Variants in EIF2S1 observed in about 807,000 individuals in gnomAD.
EIF2S1 encodes eukaryotic translation initiation factor 2 subunit 1.
Under a neutral mutation model 33.5 loss-of-function variants are expected in EIF2S1, and 5 were observed. That is an observed-to-expected ratio of 0.15 (90% CI 0.08 to 0.31). EIF2S1 has a LOEUF of 0.31. Ranked by LOEUF, EIF2S1 falls within the 10% of genes least tolerant of loss-of-function variation. The pLI, the probability that EIF2S1 is intolerant of heterozygous loss-of-function variation, is 1.00. For synonymous variants in EIF2S1, 99 were observed against 127.5 expected, an observed-to-expected ratio of 0.78 and a Z score of 1.51; for missense variants, 191 against 384.6, an observed-to-expected ratio of 0.50 and a Z score of 4.21.
At chr14:67,382,867 C>G (rs1367454792) in intron 7 of EIF2S1, among the ~76,000 whole-genome samples, 1 of 151,812 alleles carries the variant, frequency 6.6e-6, no homozygotes, top group Non-Finnish European at 1.5e-5. Flanking sequence ...CCTGTCTTTT[C>G]CTTGTCCAAC....
intron 1 of EIF2S1, chr14:67,364,099 A>G (rs946240718): frequency 1.3e-5 from 2 of 152,338 alleles, no homozygotes; most frequent in East Asian, 1.9e-4. Context: ...AGGTATACCT[A>G]TTCAATAAAA....
intron 6 of EIF2S1, among the ~76,000 whole-genome samples, chr14:67,381,914 A>AT (rs2085889663): frequency 6.6e-6 from 1 of 152,112 alleles, no homozygotes; most frequent in South Asian, 2.1e-4. Flanking sequence ...GGAGATTCCT[A>AT]TTGGTAGAAA....
At chr14:67,374,222 G>A (rs2085844411) in intron 2 of EIF2S1, among the ~76,000 whole-genome samples, 1 of 152,126 alleles carries the variant, frequency 6.6e-6, no homozygotes, top group African/African-American at 2.4e-5. Flanking sequence ...TCAGATTCGG[G>A]ATGCTCTAAC....
intron 4 of EIF2S1, 34 bp downstream of exon 4, chr14:67,376,624 G>C: frequency 6.3e-7 from 1 of 1,599,212 alleles, no homozygotes; most frequent in Middle Eastern, 1.7e-4. Context: ...CTTCTACCTT[G>C]ATATCACAAC....
chr14:67,370,591 C>A lies in EIF2S1; in HGVS notation c.242-3877C>A, dbSNP rs1467231788. On this transcript the variant is annotated intron_variant, in intron 2 of 7. Coordinates refer to ENST00000256383, the MANE Select transcript of EIF2S1 (RefSeq NM_004094.5). ...GGGAATATCATTACCAATTTTATGC[C>A]AATCATCTCAACAAATCAGGTGAAA... Among the ~76,000 whole-genome samples, 4 of 152,210 alleles carry A rather than the reference C, an allele frequency of 2.6e-5. No individual in the cohort carries two copies. In the East Asian group the frequency reaches 7.7e-4, roughly 29 times the overall value.
At chr14:67,362,612 T>G (rs1009425129) in intron 1 of EIF2S1, among the ~76,000 whole-genome samples, 1 of 151,982 alleles carries the variant, frequency 6.6e-6, no homozygotes, top group African/African-American at 2.4e-5. Context: ...AAGGCTAGAG[T>G]TGTTCCCCGA....
Position 67,381,661 on chromosome 14 carries a change from A to T in EIF2S1, c.649A>T (p.Asn217Tyr). The change falls in exon 6 of 8, where the codon AAT becomes TAT. Residue 217 changes from asparagine to tyrosine, a missense_variant. Asn to Tyr is a moderately radical substitution (Grantham distance 143). Coordinates refer to ENST00000256383, the MANE Select transcript of EIF2S1 (RefSeq NM_004094.5). The part of the protein sequence containing the change: ...AVKEALRAGL[N>Y]CSTENMPIKI... Reference sequence around the variant, plus strand: ...AAAAGAAGCCCTAAGAGCAGGTTTGAATTGTTCTACAGAAAACATGCCCAT... The same window carrying T: ...AAAAGAAGCCCTAAGAGCAGGTTTGTATTGTTCTACAGAAAACATGCCCAT... 6.2e-7 allele frequency: 1 copy of T among 1,613,470 alleles called. No homozygotes were observed. The highest frequency in any genetic ancestry group is 8.5e-7 in the Non-Finnish European group (1 of 1,179,592).
chr14:67,383,290 T>C, intron 7 of EIF2S1, 25 bp from the exon 8 acceptor site: 4 of 1,610,012 alleles, frequency 2.5e-6, no homozygotes, highest in Non-Finnish European at 2.5e-6. Context: ...TACTTCAGTT[T>C]GAAATTATAC....
Position 67,383,368 on chromosome 14 carries a change from G to C in EIF2S1, c.876G>C (p.Arg292Ser). The change falls in exon 8 of 8, where the codon AGG becomes AGC. Residue 292 changes from arginine to serine, a missense_variant. Arg to Ser is a moderately radical substitution (Grantham distance 110). Coordinates refer to ENST00000256383, the MANE Select transcript of EIF2S1 (RefSeq NM_004094.5). ...CTGAACTTGCGAGGCAGATGGAGAG[G>C]CTTGAAAGAGAAAATGCCGAAGTGG... ...DETELARQMERLERENAEVDG... is the reference protein window; with the variant it reads ...DETELARQMESLERENAEVDG... 1 of 1,613,764 alleles carries C rather than the reference G, an allele frequency of 6.2e-7. No individual in the cohort carries two copies. Among genetic ancestry groups the C allele is most frequent in the Non-Finnish European group, 8.5e-7 (1 of 1,179,756 alleles).
intron 2 of EIF2S1, among the ~76,000 whole-genome samples, chr14:67,369,075 AATATTCCAGCT>A (rs1336174458): frequency 6.6e-6 from 1 of 152,230 alleles, no homozygotes; most frequent in Non-Finnish European, 1.5e-5. Context: ...AAATCAAGTA[AATATTCCAGCT>A]AAAAGGCAGA....
At chr14:67,382,668 C>A in intron 7 of EIF2S1, 78 bp downstream of exon 7, 1 of 1,528,888 alleles carries the variant, frequency 6.5e-7, no homozygotes, top group South Asian at 1.1e-5. Context: ...TAAGAGCTGT[C>A]GGCCTTGGAA....
intron 7 of EIF2S1, 147 bp downstream of exon 7, chr14:67,382,737 C>G (rs1197918082): frequency 2.4e-6 from 2 of 841,316 alleles, no homozygotes; most frequent in Middle Eastern, 3.7e-4. Context: ...AGGGTCACCC[C>G]CCGTCCCCAG....
At chr14:67,381,809 T>C (rs1455043977) in intron 6 of EIF2S1, 119 bp downstream of exon 6, 1 of 657,848 alleles carries the variant, frequency 1.5e-6, no homozygotes, top group East Asian at 2.7e-5. Flanking sequence ...GGTTTTTTAC[T>C]CTTAAAATTG....
At chr14:67,375,215 C>T (rs558439812) in intron 3 of EIF2S1, among the ~76,000 whole-genome samples, 1 of 149,720 alleles carries the variant, frequency 6.7e-6, no homozygotes, top group East Asian at 2.0e-4. Flanking sequence ...TATCCTTCAT[C>T]CTCTACATCC....
intron 1 of EIF2S1, 144 bp from the exon 2 acceptor site, chr14:67,364,623 A>G: frequency 1.3e-6 from 1 of 777,510 alleles, no homozygotes; most frequent in East Asian, 2.9e-5. Flanking sequence ...GGTACCACTT[A>G]AGAAGTTTCA....
At chr14:67,380,540 A>G (rs1289763844) in intron 4 of EIF2S1, 119 bp from the exon 5 acceptor site, 8 of 452,704 alleles carry the variant, frequency 1.8e-5, no homozygotes, top group Non-Finnish European at 1.9e-5. Flanking sequence ...AGCCTTAACT[A>G]TTATATGCAT....
intron 2 of EIF2S1, among the ~76,000 whole-genome samples, chr14:67,373,842 A>AGTGTGTGTGT (rs35163593): frequency 0.033 from 4,751 of 145,742 alleles, 134 homozygotes; most frequent in African/African-American, 0.069. Flanking sequence ...TAATTTGTTC[A>AGTGTGTGTGT]GTGTGTGTGT....
intron 4 of EIF2S1, among the ~76,000 whole-genome samples, chr14:67,380,319 T>G (rs932622754): frequency 1.3e-5 from 2 of 151,872 alleles, no homozygotes; most frequent in African/African-American, 4.8e-5. Flanking sequence ...TTAAAAGTTT[T>G]TCCATGTTTT....
chr14:67,375,383 A>G (rs1389098127), intron 3 of EIF2S1, among the ~76,000 whole-genome samples: 1 of 151,888 alleles, frequency 6.6e-6, no homozygotes, highest in Non-Finnish European at 1.5e-5. Context: ...TGCCTCCCGG[A>G]ATGTTTGAGA....
Sources: gnomAD v4.1 joint callset for allele counts (sites outside exome capture counted in the v4.1 genomes callset) on GRCh38, gnomAD v4.1.1 for gene constraint, MANE v1.5 for transcripts, NCBI Gene and HGNC (gene_info 2026-07-23, HGNC 2026-07-21) for gene names.